UBAP2: variants seen among roughly 807,000 people sequenced by gnomAD.
The protein encoded by UBAP2 is ubiquitin associated protein 2, also known as ubiquitin-associated protein 2.
UBAP2 carries 75 observed loss-of-function variants against 139.6 expected under a neutral mutation model. That is an observed-to-expected ratio of 0.54 (90% CI 0.45 to 0.65). The LOEUF (loss-of-function observed/expected upper bound fraction) is 0.65. Among genes scored for constraint, UBAP2 ranks in the 30% least tolerant of loss-of-function variants. UBAP2 has a pLI of 0.00. For synonymous variants in UBAP2, 526 were observed against 526.2 expected, an observed-to-expected ratio of 1.00 and a Z score of 0.01; for missense variants, 1,368 against 1,369.6, an observed-to-expected ratio of 1.00 and a Z score of 0.02.
Position 33,996,307 on chromosome 9 carries a change from C to G in UBAP2, c.204G>C (p.Gln68His), listed in dbSNP as rs778095970. 6.2e-7 allele frequency: 1 copy of G among 1,613,526 alleles called. No individual in the cohort carries two copies. Among genetic ancestry groups the G allele is most frequent in the Non-Finnish European group, 8.5e-7 (1 of 1,179,900 alleles). The change falls in exon 4 of 29, where the codon CAG (glutamine) becomes CAC (histidine). Residue 68 changes from glutamine to histidine, a missense_variant. By Grantham distance (24) the Gln-to-His change is conservative. Coordinates refer to ENST00000379238, the MANE Select transcript of UBAP2 (RefSeq NM_001370062.2). ...CATGTAGGGCCACTATGCATTCATC[C>G]TGATTTTTCCCTGTCACTTCCATAA... is the stretch of plus-strand genomic sequence containing the variant. ...KQLMEVTGKN[Q>H]DECIVALHDC...
chr9:34,003,425 G>A (rs1259903919), intron 2 of UBAP2, among the ~76,000 whole-genome samples: 4 of 149,146 alleles, frequency 2.7e-5, no homozygotes, highest in Admixed American at 1.3e-4. Flanking sequence ...AGGCTGGAGT[G>A]CAGTGGCGTG....
At chr9:33,935,501 G>C in intron 17 of UBAP2, 1 of 299,592 alleles carries the variant, frequency 3.3e-6, no homozygotes, top group Non-Finnish European at 6.2e-6. Context: ...TCCTGAGCTT[G>C]GGCAATCTGC....
Position 33,922,754 on chromosome 9 carries a change from T to G in UBAP2, c.3197A>C (p.His1066Pro). The G allele has an allele frequency of 6.4e-7, 1 of 1,558,400 alleles. No homozygotes were observed. The highest frequency in any genetic ancestry group is 1.4e-5 in the African/African-American group (1 of 73,274). The change falls in exon 28 of 29, where the codon CAC becomes CCC. Residue 1066 changes from histidine to proline, a missense_variant. Transcript: ENST00000379238. Reference protein sequence around the residue: ...APGYAPPPFLHILPAHQQPHS... With the variant: ...APGYAPPPFLPILPAHQQPHS... ...GGGCTGCTGGTGGGCTGGCAAGATG[T>G]GTAGGAATGGTGGGGGTGCATAGCC...
intron 1 of UBAP2, among the ~76,000 whole-genome samples, chr9:34,044,793 T>TG (rs1827423922): frequency 6.6e-6 from 1 of 150,638 alleles, no homozygotes; most frequent in East Asian, 2.0e-4. Flanking sequence ...TTGAACCCGG[T>TG]GGGCAGAGGT....
intron 2 of UBAP2, among the ~76,000 whole-genome samples, chr9:34,015,744 G>C (rs1587663724): frequency 6.6e-6 from 1 of 152,070 alleles, no homozygotes. Flanking sequence ...TGTCACCCAG[G>C]CTGGAGTGCA....
intron 1 of UBAP2, among the ~76,000 whole-genome samples, chr9:34,039,069 A>T (rs1048154273): frequency 2.1e-5 from 3 of 143,388 alleles, no homozygotes; most frequent in Non-Finnish European, 3.0e-5. Flanking sequence ...GGAAGTGAGG[A>T]GCCCCTCCGC....
chr9:33,984,107 T>A, intron 6 of UBAP2, among the ~76,000 whole-genome samples: 1 of 152,062 alleles, frequency 6.6e-6, no homozygotes, highest in East Asian at 1.9e-4. Flanking sequence ...TTTTACCATG[T>A]TGGCCAGGGT....
At chr9:33,940,035 G>T (rs1825067232) in intron 16 of UBAP2, among the ~76,000 whole-genome samples, 1 of 148,184 alleles carries the variant, frequency 6.7e-6, no homozygotes. Context: ...AGGAGGGAGA[G>T]GGAAGAGAGG....
intron 4 of UBAP2, chr9:33,995,551 T>C (rs1822123258): frequency 1.9e-5 from 2 of 106,168 alleles, no homozygotes; most frequent in African/African-American, 3.6e-5. Context: ...AAATATATTA[T>C]TAAATAATTT....
At chr9:34,025,320 C>T (rs1825314367) in intron 1 of UBAP2, among the ~76,000 whole-genome samples, 1 of 152,198 alleles carries the variant, frequency 6.6e-6, no homozygotes, top group South Asian at 2.1e-4. Context: ...TACACTGGAA[C>T]AGGTTCCAAG....
At chr9:34,019,723 A>ACACG (rs1554691204) in intron 1 of UBAP2, among the ~76,000 whole-genome samples, 1 of 150,622 alleles carries the variant, frequency 6.6e-6, no homozygotes, top group East Asian at 1.9e-4. Flanking sequence ...ACACACACAC[A>ACACG]CGCACAGAAA....
At position 33,986,755 on chromosome 9, in the gene UBAP2, C is replaced by T; in HGVS notation, c.520+5G>A. On this transcript the variant is annotated splice_donor_5th_base_variant and intron_variant, in intron 6 of 28. Coordinates refer to ENST00000379238, the MANE Select transcript of UBAP2 (RefSeq NM_001370062.2). ...AGCATTTTCTTCCCTCTTACTCTAG[C>T]TTACCTCTACCCCGGGCTCGCTTGC... 2.5e-6 allele frequency: 4 copies of T among 1,612,058 alleles called. No homozygotes were observed. Among genetic ancestry groups the T allele is most frequent in the Non-Finnish European group, 3.4e-6 (4 of 1,178,280 alleles).
intron 20 of UBAP2, 92 bp downstream of exon 20, chr9:33,927,705 C>T: frequency 2.9e-6 from 4 of 1,392,710 alleles, no homozygotes; most frequent in Non-Finnish European, 2.9e-6. Flanking sequence ...GGGCCTGAGA[C>T]TCTCCTGACA....
intron 1 of UBAP2, among the ~76,000 whole-genome samples, chr9:34,035,310 C>A (rs1179930442): frequency 1.3e-5 from 2 of 151,284 alleles, no homozygotes; most frequent in Admixed American, 1.3e-4. Flanking sequence ...CAAGACCAGC[C>A]TGGCCAACAT....
intron 15 of UBAP2, among the ~76,000 whole-genome samples, chr9:33,942,743 AAAAG>A (rs1242413962): frequency 1.3e-5 from 2 of 150,726 alleles, no homozygotes; most frequent in African/African-American, 2.4e-5. Context: ...AAAAAAAAAG[AAAAG>A]AAAAGAAAAC....
intron 2 of UBAP2, among the ~76,000 whole-genome samples, chr9:34,010,195 G>A (rs576304990): frequency 1.4e-4 from 21 of 149,224 alleles, no homozygotes; most frequent in African/African-American, 4.6e-4. Flanking sequence ...AGGTCAAGGC[G>A]GGCAGATCAC....
chr9:34,016,370 CGGTGGTGGT>C (rs74180522), intron 2 of UBAP2, among the ~76,000 whole-genome samples: 2,365 of 93,706 alleles, frequency 0.025, 106 homozygotes, highest in East Asian at 0.07. Context: ...GCGGCAGCGG[CGGTGGTGGT>C]GGTGGTGGTG....
At chr9:34,035,514 A>AAAAAAATATATAT in intron 1 of UBAP2, among the ~76,000 whole-genome samples, 9 of 22,490 alleles carry the variant, frequency 4.0e-4, no homozygotes, top group African/African-American at 1.1e-3. Flanking sequence ...AAAAAAAAAA[A>AAAAAAATATATAT]ATATATATAT....
Position 33,986,767 on chromosome 9 carries a change from C to G in UBAP2, c.513G>C (p.Arg171=). 6.2e-7 allele frequency: 1 copy of G among 1,614,038 alleles called. No individual in the cohort carries two copies. The change falls in exon 6 of 29, where the codon CGG becomes CGC. Residue 171 remains arginine (R), a synonymous_variant. Transcript: ENST00000379238. The part of the protein sequence containing the change: ...DKPSDRGKRA[R]GRGFGRGRGR... ...CCTCTTACTCTAGCTTACCTCTACC[C>G]CGGGCTCGCTTGCCACGATCTGAAG...
Sources: allele counts gnomAD v4.1 joint callset (sites outside exome capture counted in the v4.1 genomes callset), GRCh38; gene constraint gnomAD v4.1.1; transcripts MANE v1.5; gene names NCBI Gene and HGNC (gene_info 2026-07-23, HGNC 2026-07-21).